CALN1: variants seen among roughly 807,000 people sequenced by gnomAD.
The protein encoded by CALN1 is calcium-binding protein 8.
Under a neutral mutation model 30.6 loss-of-function variants are expected in CALN1, and 17 were observed. The observed-to-expected ratio is 0.56, with a 90% CI of 0.38 to 0.83. CALN1 has a LOEUF of 0.83. Ranked by LOEUF, CALN1 falls within the 40% of genes least tolerant of loss-of-function variation. CALN1 has a pLI of 0.00. For missense variants in CALN1, 291 were observed against 354.9 expected, an observed-to-expected ratio of 0.82 and a Z score of 1.45; for synonymous variants, 156 against 131.4, an observed-to-expected ratio of 1.19 and a Z score of -1.28.
intron 5 of CALN1, among the ~76,000 whole-genome samples, chr7:71,919,454 T>C (rs1260235270): frequency 6.6e-6 from 1 of 152,216 alleles, no homozygotes; most frequent in Non-Finnish European, 1.5e-5. Context: ...TTCATAGTCA[T>C]TGTGTTAGGT....
intron 5 of CALN1, among the ~76,000 whole-genome samples, chr7:71,985,151 AAG>A (rs5884867): frequency 0.13 from 20,101 of 152,100 alleles, 1,968 homozygotes; most frequent in East Asian, 0.37. Context: ...CAAGCTACAA[AAG>A]AGAGAACCCA....
intron 4 of CALN1, 84 bp downstream of exon 4, chr7:72,106,067 A>G: frequency 6.7e-7 from 1 of 1,492,664 alleles, no homozygotes; most frequent in Non-Finnish European, 9.0e-7. Context: ...TGGATTTAAA[A>G]GTGCAAGGCC....
chr7:71,869,771 G>A (rs1205109793), intron 5 of CALN1, among the ~76,000 whole-genome samples: 2 of 152,088 alleles, frequency 1.3e-5, no homozygotes, highest in African/African-American at 4.8e-5. Flanking sequence ...TGGGGTGATC[G>A]GGTTGTTTGA....
intron 3 of CALN1, among the ~76,000 whole-genome samples, chr7:72,125,081 T>A (rs1342613806): frequency 2.0e-5 from 3 of 152,228 alleles, no homozygotes; most frequent in Non-Finnish European, 4.4e-5. Context: ...TGGGCTGGCG[T>A]GCAATGGTGC....
intron 2 of CALN1, among the ~76,000 whole-genome samples, chr7:72,326,539 C>T (rs914966408): frequency 2.0e-5 from 3 of 152,188 alleles, no homozygotes; most frequent in South Asian, 2.1e-4. Flanking sequence ...ACTGGTTTTC[C>T]GAACCAGCAG....
At chr7:72,309,915 C>G (rs574484015) in intron 2 of CALN1, among the ~76,000 whole-genome samples, 1 of 152,290 alleles carries the variant, frequency 6.6e-6, no homozygotes, top group East Asian at 1.9e-4. Flanking sequence ...CAGGGGCAAG[C>G]CTGGACAAAC....
chr7:72,257,084 T>A (rs546741630), intron 3 of CALN1, among the ~76,000 whole-genome samples: 2 of 152,118 alleles, frequency 1.3e-5, no homozygotes, highest in Non-Finnish European at 1.5e-5. Flanking sequence ...AAACTTACAA[T>A]CATGGCAGAA....
At chr7:72,352,662 A>G (rs1368938918) in intron 2 of CALN1, among the ~76,000 whole-genome samples, 1 of 152,164 alleles carries the variant, frequency 6.6e-6, no homozygotes, top group Non-Finnish European at 1.5e-5. Flanking sequence ...AAGGAAAATT[A>G]TAGCTTAAAA....
chr7:72,208,984 A>ACTTC (rs141505967), intron 3 of CALN1, among the ~76,000 whole-genome samples: 3 of 134,518 alleles, frequency 2.2e-5, no homozygotes, highest in Admixed American at 7.6e-5. Flanking sequence ...TCCTTTTCCT[A>ACTTC]CTTCCTTCCT....
At chr7:72,459,499 C>T in the CALN1 span, among the ~76,000 whole-genome samples, 2 of 152,006 alleles carry the variant, frequency 1.3e-5, no homozygotes, top group African/African-American at 4.8e-5. Flanking sequence ...GTGGTGCAGG[C>T]CTTATAGTCC....
intron 5 of CALN1, among the ~76,000 whole-genome samples, chr7:72,000,373 A>G (rs1213535434): frequency 6.6e-6 from 1 of 152,188 alleles, no homozygotes; most frequent in Non-Finnish European, 1.5e-5. Context: ...AACCATTAAG[A>G]AGAGAATAGG....
chr7:72,264,778 C>G (rs1286919948), intron 3 of CALN1, among the ~76,000 whole-genome samples: 1 of 152,086 alleles, frequency 6.6e-6, no homozygotes, highest in Non-Finnish European at 1.5e-5. Context: ...ATTTCGTCAC[C>G]CAGGTATTAA....
intron 3 of CALN1, among the ~76,000 whole-genome samples, chr7:72,205,551 A>AATATATACATATATATATATATATAT (rs1554319584): frequency 1.1e-4 from 9 of 83,040 alleles, no homozygotes; most frequent in East Asian, 8.7e-4. Context: ...GCAAAAAAAA[A>AATATATACATATATATATATATATAT]ATATATATAT....
Position 71,810,372 on chromosome 7 carries a change from C to T in CALN1, c.622G>A (p.Glu208Lys). The T allele has an allele frequency of 6.2e-7, 1 of 1,614,154 alleles. No individual in the cohort carries two copies. Among genetic ancestry groups the T allele is most frequent in the Non-Finnish European group, 8.5e-7 (1 of 1,180,028 alleles). ...TCTGTTTGGCAGTTCCCCGAGGTCT[C>T]ATTCAGGCTCTCTTCCTCATTGATA... is the stretch of plus-strand genomic sequence containing the variant. Reference protein sequence around the residue: ...IIINEEESLNETSGNCQTEFE... With the variant: ...IIINEEESLNKTSGNCQTEFE... The change falls in exon 6 of 7, where the codon GAG becomes AAG. Residue 208 changes from glutamate to lysine, a missense_variant. By Grantham distance (56) the Glu-to-Lys change is moderately conservative. This residue lies in a region of CALN1 where 169 missense variants were observed against 251.7 expected (regional missense o/e 0.67). Coordinates refer to ENST00000395275, the MANE Select transcript of CALN1 (RefSeq NM_031468.4).
intron 3 of CALN1, among the ~76,000 whole-genome samples, chr7:72,251,950 G>A (rs1188125666): frequency 6.6e-6 from 1 of 152,086 alleles, no homozygotes; most frequent in Non-Finnish European, 1.5e-5. Flanking sequence ...TAAAAATATA[G>A]ATTAAGAATT....
At chr7:72,121,161 CTATATTATATATAATTATATATTATGTAT>C in intron 3 of CALN1, among the ~76,000 whole-genome samples, 1 of 142,246 alleles carries the variant, frequency 7.0e-6, no homozygotes, top group Non-Finnish European at 1.5e-5. Context: ...TATATAAAAT[CTATATTATATATAATTATATATTATGTAT>C]TATATTATAT....
intron 5 of CALN1, among the ~76,000 whole-genome samples, chr7:71,844,094 T>C (rs1193399058): frequency 6.6e-6 from 1 of 152,166 alleles, no homozygotes; most frequent in African/African-American, 2.4e-5. Context: ...AGGAGCACAC[T>C]GCGATATGAT....
chr7:72,397,714 T>TCTCTCTCA (rs142607076), intron 2 of CALN1, among the ~76,000 whole-genome samples: 65 of 142,910 alleles, frequency 4.5e-4, no homozygotes, highest in African/African-American at 1.6e-3. Context: ...CCATTCTCTC[T>TCTCTCTCA]CACACACACA....
intron 2 of CALN1, among the ~76,000 whole-genome samples, chr7:72,388,216 CTG>C (rs1805359314): frequency 6.6e-6 from 1 of 152,110 alleles, no homozygotes; most frequent in Admixed American, 6.5e-5. Context: ...TAACATTACA[CTG>C]TAACCCATAA....
Sources: allele counts gnomAD v4.1 joint callset (sites outside exome capture counted in the v4.1 genomes callset), GRCh38; gene constraint gnomAD v4.1.1; regional missense constraint gnomAD v4.1.1; transcripts MANE v1.5; gene names NCBI Gene and HGNC (gene_info 2026-07-23, HGNC 2026-07-21).